The following GTF3C1 variants were observed in gnomAD, a reference collection of about 807,000 sequenced individuals.
GTF3C1 encodes general transcription factor IIIC subunit 1.
GTF3C1 carries 57 observed loss-of-function variants against 226.7 expected under a neutral mutation model. That is an observed-to-expected ratio of 0.25 (90% CI 0.20 to 0.31). GTF3C1 has a LOEUF of 0.31. GTF3C1 is among the 10% of genes least tolerant of loss of function. The pLI is 1.00. For synonymous variants in GTF3C1, 1,090 were observed against 1,084.8 expected (o/e 1.00, Z -0.09); for missense variants, 2,217 against 2,776.1 (o/e 0.80, Z 4.53).
At position 27,462,016 on chromosome 16, in the gene GTF3C1, G is replaced by C. The variant is rs2087712647; in HGVS notation, c.6117+278C>G. ...CAGGGGGCAGCTGCTTGACCCGTGG[G>C]GCCCGGCGGACTCATGAGTTAGTGA... On this transcript the variant is annotated intron_variant, in intron 36 of 36. Coordinates refer to ENST00000356183, the MANE Select transcript of GTF3C1 (RefSeq NM_001520.4). The surrounding 1 kb of genome is among the most constrained non-coding windows in gnomAD (Gnocchi z 4.5). 2.2e-6 allele frequency: 1 copy of C among 455,008 alleles called. No homozygotes were observed. Among genetic ancestry groups the C allele is most frequent in the Non-Finnish European group, 3.9e-6 (1 of 253,226 alleles). 28.2% of individuals were successfully genotyped at this position (455,008 alleles called of 1,614,324 possible).
At chr16:27,549,324 G>A (rs2089232842) in intron 1 of GTF3C1, among the ~76,000 whole-genome samples, 1 of 152,072 alleles carries the variant, frequency 6.6e-6, no homozygotes, top group Admixed American at 6.5e-5. Flanking sequence ...CTCCAGTCTG[G>A]CTCTAAAGTG....
intron 5 of GTF3C1, among the ~76,000 whole-genome samples, chr16:27,531,240 T>A (rs911499371): frequency 6.6e-6 from 1 of 152,234 alleles, no homozygotes; most frequent in African/African-American, 2.4e-5. Context: ...TCCTTTCTGA[T>A]TGGGCCCCTA....
chr16:27,509,539 C>CCT (rs1680434040), intron 7 of GTF3C1, among the ~76,000 whole-genome samples: 1 of 151,764 alleles, frequency 6.6e-6, no homozygotes, highest in East Asian at 1.9e-4. Context: ...GGGCGGATCA[C>CCT]GAGGTCAGGA....
At position 27,536,289 on chromosome 16, in the gene GTF3C1, T is replaced by G. The variant is rs11642951; in HGVS notation, c.752+1495A>C. Among the ~76,000 whole-genome samples the G allele has an allele frequency of 1.1e-3, 169 of 152,322 alleles. 1 individual carries two copies. Among genetic ancestry groups the G allele is most frequent in the Non-Finnish European group, 1.5e-3 (103 of 68,030 alleles). ...AGTAGGCTATTAGTAGTTAAGTTTT[T>G]GGGGAGTCAAAAGTTATGTGTAGCT... is the stretch of plus-strand genomic sequence containing the variant. On this transcript the variant is annotated intron_variant, in intron 4 of 36. Transcript: ENST00000356183.
chr16:27,468,801 T>A (rs182065086), intron 32 of GTF3C1, among the ~76,000 whole-genome samples: 6 of 152,100 alleles, frequency 3.9e-5, no homozygotes, highest in Non-Finnish European at 2.9e-5. Flanking sequence ...TAAAATAGTG[T>A]CAAAATTGGA....
chr16:27,488,134 G>T, intron 23 of GTF3C1, 93 bp downstream of exon 23: 1 of 1,083,326 alleles, frequency 9.2e-7, no homozygotes. Context: ...GTGCTGAAGG[G>T]CAGAGCTCAG....
Position 27,472,063 on chromosome 16 carries a change from T to C in GTF3C1, c.4354-143A>G. The C allele has an allele frequency of 1.9e-5, 13 of 668,430 alleles. No individual in the cohort carries two copies. The South Asian group carries it at 2.3e-4, about 12-fold the overall frequency. The allele number at this position is 668,430 out of a possible 1,614,324, so 41.4% of individuals were successfully genotyped here. ...AGGCCCAGGCTGGCGTATGTGTGTG[T>C]CAGTGAGTGTGTGTGTGAGTGTGTG... On this transcript the variant is annotated intron_variant, in intron 29 of 36. Transcript: ENST00000356183.
chr16:27,478,963 G>A (rs1405815113), intron 27 of GTF3C1, among the ~76,000 whole-genome samples: 1 of 152,074 alleles, frequency 6.6e-6, no homozygotes, highest in African/African-American at 2.4e-5. Context: ...AAGTGGAAGG[G>A]AAGGAATGAA....
intron 6 of GTF3C1, among the ~76,000 whole-genome samples, chr16:27,526,614 GC>G (rs1244055376): frequency 2.0e-5 from 3 of 152,154 alleles, no homozygotes; most frequent in African/African-American, 7.2e-5. Flanking sequence ...TTTGGCTATC[GC>G]CCTTCACAGG....
At position 27,487,127 on chromosome 16, in the gene GTF3C1, T is replaced by G. The variant is rs142836709; in HGVS notation, c.3701-973A>C. On this transcript the variant is annotated intron_variant, in intron 23 of 36. Coordinates refer to ENST00000356183, the MANE Select transcript of GTF3C1 (RefSeq NM_001520.4). Reference sequence around the variant, plus strand: ...CAGAAGAAAAGTGGGGAAAGGAAATTTGGACTCGAAGTGACACCACCACAT... The same window carrying G: ...CAGAAGAAAAGTGGGGAAAGGAAATGTGGACTCGAAGTGACACCACCACAT... 7.7e-3 allele frequency among the ~76,000 whole-genome samples: 1,171 copies of G among 152,328 alleles called. 15 individuals carry two copies. Among genetic ancestry groups the G allele is most frequent in the Middle Eastern group, 0.034 (10 of 294 alleles).
At position 27,465,559 on chromosome 16, in the gene GTF3C1, A is replaced by G; in HGVS notation, c.5075-19T>C. 1 of 1,586,132 alleles carries G rather than the reference A, an allele frequency of 6.3e-7. No individual in the cohort carries two copies. The highest frequency in any genetic ancestry group is 1.8e-4 in the Middle Eastern group (1 of 5,684). ...GGAGCGGCTGTGGGGACACAGAGGA[A>G]GATCAGAGGCAGCCCGACAGAGGCC... On this transcript the variant is annotated intron_variant, in intron 32 of 36. Transcript: ENST00000356183.
chr16:27,520,440 T>C (rs910578508), intron 6 of GTF3C1, among the ~76,000 whole-genome samples: 30 of 151,772 alleles, frequency 2.0e-4, no homozygotes, highest in African/African-American at 7.0e-4. Context: ...GTCATCTTGA[T>C]GTTTTTTCTA....
chr16:27,486,048 C>T lies in GTF3C1; in HGVS notation c.3807G>A (p.Glu1269=). Reference sequence around the variant, plus strand: ...TGCGGCACAGCACAAGCAGCCCATCCTCCTGCATAGACCAGGTGACACGAA... The same window carrying T: ...TGCGGCACAGCACAAGCAGCCCATCTTCCTGCATAGACCAGGTGACACGAA... The part of the protein sequence containing the change: ...TRLRVTWSMQ[E]DGLLVLCRIA... Residue 1269 remains glutamate, a synonymous_variant, in exon 24 of 37, where the codon GAG becomes GAA. Coordinates refer to ENST00000356183, the MANE Select transcript of GTF3C1 (RefSeq NM_001520.4). The T allele has an allele frequency of 6.2e-7, 1 of 1,612,492 alleles. No homozygotes were observed. Among genetic ancestry groups the T allele is most frequent in the South Asian group, 1.1e-5 (1 of 90,960 alleles).
At chr16:27,481,298 T>A (rs1255035427) in intron 26 of GTF3C1, 107 bp from the exon 27 acceptor site, 1 of 917,982 alleles carries the variant, frequency 1.1e-6, no homozygotes, top group Non-Finnish European at 1.7e-6. Context: ...ACCAGCTAAG[T>A]CCGAGAACCA....
At chr16:27,472,110 GGAA>G (rs2141351436) in intron 29 of GTF3C1, among the ~76,000 whole-genome samples, 190 bp from the exon 30 acceptor site, 1 of 152,208 alleles carries the variant, frequency 6.6e-6, no homozygotes, top group African/African-American at 2.4e-5. Context: ...GGGGTGCTGA[GGAA>G]GTCAGCAATC....
rs376126286 is a variant in GTF3C1, at chr16:27,460,615, C to T, written c.*735G>A. The T allele has an allele frequency of 6.6e-6, 1 of 152,036 alleles. No homozygotes were observed. The highest frequency in any genetic ancestry group is 2.1e-4 in the South Asian group (1 of 4,820). 9.4% of individuals were successfully genotyped at this position (152,036 alleles called of 1,614,324 possible). ...TTTAGGAAACACACAAAACAGAATG[C>T]ATTTTACTTCCCTTTAATCAAAAAA... On this transcript the variant is annotated 3_prime_UTR_variant, in exon 37 of 37. Transcript: ENST00000356183.
intron 24 of GTF3C1, 117 bp downstream of exon 24, chr16:27,485,880 G>A (rs2088130600): frequency 9.7e-6 from 6 of 621,406 alleles, no homozygotes; most frequent in Non-Finnish European, 1.7e-5. Flanking sequence ...GCTTTTCCCA[G>A]TGGCGAAGCA....
chr16:27,480,972 C>T (rs904872300), intron 27 of GTF3C1, 107 bp downstream of exon 27: 3 of 847,664 alleles, frequency 3.5e-6, no homozygotes, highest in Non-Finnish European at 5.9e-6. Context: ...CCAAATGCAG[C>T]CAGGCAGGTG....
intron 5 of GTF3C1, among the ~76,000 whole-genome samples, chr16:27,529,881 T>C (rs541378362): frequency 4.6e-5 from 7 of 152,238 alleles, no homozygotes; most frequent in Non-Finnish European, 1.0e-4. Context: ...ATCACCATTT[T>C]TGTGCTGGTT....
Sources: gnomAD v4.1 joint callset for allele counts (sites outside exome capture counted in the v4.1 genomes callset) on GRCh38, gnomAD v4.1.1 for gene constraint, Gnocchi (gnomAD v3.1) non-coding constraint, MANE v1.5 for transcripts, NCBI Gene and HGNC (gene_info 2026-07-23, HGNC 2026-07-21) for gene names.